MSI2: variants seen among roughly 807,000 people sequenced by gnomAD.
The protein encoded by MSI2 is RNA-binding protein Musashi homolog 2.
A neutral mutation model predicts 45.6 loss-of-function variants in MSI2; 17 were observed. That is an observed-to-expected ratio of 0.37 (90% CI 0.26 to 0.56). MSI2 has a LOEUF of 0.56. Ranked by LOEUF, MSI2 falls within the 20% of genes least tolerant of loss-of-function variation. The pLI is 0.77. For synonymous variants in MSI2, 156 were observed against 158.2 expected (o/e 0.99, Z 0.11); for missense variants, 293 against 444.2 (o/e 0.66, Z 3.06).
chr17:57,349,088 C>A (rs954641921), intron 5 of MSI2, among the ~76,000 whole-genome samples: 1 of 152,186 alleles, frequency 6.6e-6, no homozygotes, highest in Non-Finnish European at 1.5e-5. Context: ...AGAGCATTCT[C>A]GGGCTGCCCT....
chr17:57,411,170 A>G (rs765625511), intron 6 of MSI2, among the ~76,000 whole-genome samples: 28 of 151,882 alleles, frequency 1.8e-4, no homozygotes, highest in Non-Finnish European at 3.8e-4. Context: ...ATGCCTGGCT[A>G]ATTTTTTTGT....
the MSI2 span, among the ~76,000 whole-genome samples, chr17:57,701,230 T>C: frequency 3.9e-4 from 60 of 152,132 alleles, no homozygotes; most frequent in Non-Finnish European, 8.8e-5. Context: ...CCCCATTAGG[T>C]TGCTATGAGA....
intron 5 of MSI2, among the ~76,000 whole-genome samples, chr17:57,314,988 G>T (rs1356607251): frequency 6.6e-6 from 1 of 152,168 alleles, no homozygotes; most frequent in African/African-American, 2.4e-5. Flanking sequence ...CAAGCGGAGG[G>T]ATGCTGGTCT....
chr17:57,635,812 T>A (rs1489653797), intron 10 of MSI2, among the ~76,000 whole-genome samples: 1 of 152,246 alleles, frequency 6.6e-6, no homozygotes, highest in Non-Finnish European at 1.5e-5. Flanking sequence ...GAGCACTGGC[T>A]TCAGAATGAT....
At chr17:57,464,181 G>C (rs1405982900) in intron 6 of MSI2, among the ~76,000 whole-genome samples, 5 of 152,140 alleles carry the variant, frequency 3.3e-5, no homozygotes, top group Admixed American at 6.5e-5. Flanking sequence ...AGTGGCTCAC[G>C]CTTGTAATTC....
At chr17:57,293,595 G>GTTTTTTTTTTTTTGTTTTTTTTTT in intron 5 of MSI2, among the ~76,000 whole-genome samples, 1 of 134,724 alleles carries the variant, frequency 7.4e-6, no homozygotes, top group African/African-American at 3.0e-5. Context: ...TTGTTTTTTT[G>GTTTTTTTTTTTTTGTTTTTTTTTT]TTTTTTTTTT....
chr17:57,636,518 G>A (rs975197023), intron 10 of MSI2, among the ~76,000 whole-genome samples: 2 of 152,144 alleles, frequency 1.3e-5, no homozygotes, highest in Non-Finnish European at 2.9e-5. Context: ...GCGAGACCCC[G>A]GGGTGCGCTC....
intron 5 of MSI2, among the ~76,000 whole-genome samples, chr17:57,328,843 A>AG (rs1914035655): frequency 6.6e-6 from 1 of 151,466 alleles, no homozygotes; most frequent in Non-Finnish European, 1.5e-5. Flanking sequence ...GGTTTGGTGG[A>AG]GGGGGACTTT....
chr17:57,585,773 T>G (rs2088329574), intron 7 of MSI2, among the ~76,000 whole-genome samples: 1 of 152,214 alleles, frequency 6.6e-6, no homozygotes. Flanking sequence ...AAGCCCTGAG[T>G]TGAGAATCCT....
At chr17:57,532,924 A>G (rs1188453027) in intron 7 of MSI2, among the ~76,000 whole-genome samples, 3 of 152,068 alleles carry the variant, frequency 2.0e-5, no homozygotes, top group African/African-American at 7.2e-5. Context: ...AGGAATTTTG[A>G]CAGCTACCTG....
At chr17:57,500,359 T>G (rs2086075474) in intron 6 of MSI2, among the ~76,000 whole-genome samples, 1 of 151,218 alleles carries the variant, frequency 6.6e-6, no homozygotes, top group Admixed American at 6.6e-5. Context: ...GCTCTATACC[T>G]CAGATCTCTC....
chr17:57,557,268 C>T (rs1310845472), intron 7 of MSI2, among the ~76,000 whole-genome samples: 13 of 152,198 alleles, frequency 8.5e-5, no homozygotes, highest in Admixed American at 7.9e-4. Flanking sequence ...TTACATGGGA[C>T]AGCCAGGGCA....
At chr17:57,424,425 C>T (rs1206261709) in intron 6 of MSI2, among the ~76,000 whole-genome samples, 1 of 152,214 alleles carries the variant, frequency 6.6e-6, no homozygotes, top group Non-Finnish European at 1.5e-5. Flanking sequence ...AACAGAGGCA[C>T]AGAAGAGCCT....
intron 6 of MSI2, among the ~76,000 whole-genome samples, chr17:57,502,602 G>GATAGATAGATATATAT (rs1190802566): frequency 5.5e-5 from 3 of 54,418 alleles, no homozygotes; most frequent in South Asian, 8.0e-4. Flanking sequence ...ATGACTCTGA[G>GATAGATAGATATATAT]ATATATATAT....
chr17:57,670,529 T>G (rs568701871), intron 11 of MSI2, among the ~76,000 whole-genome samples: 3 of 152,374 alleles, frequency 2.0e-5, no homozygotes, highest in South Asian at 4.1e-4. Flanking sequence ...GAGTATTTTA[T>G]TGATGGGCAG....
rs138595524 is a variant in MSI2 at position 57,322,587 on chromosome 17, G to C, written c.312+60395G>C. On this transcript the variant is annotated intron_variant, in intron 5 of 13. Coordinates refer to ENST00000284073, the MANE Select transcript of MSI2 (RefSeq NM_138962.4). ...AGGAAGCATAAATCAACCCTTAATC[G>C]AACATAAACAACAAACCACGTACCA... 4.7e-3 allele frequency among the ~76,000 whole-genome samples: 719 copies of C among 152,172 alleles called. 5 individuals are homozygous for C. Among genetic ancestry groups the C allele is most frequent in the Non-Finnish European group, 7.2e-3 (492 of 68,000 alleles).
chr17:57,648,132 CGTGTGTGTGTGTGT>C lies in MSI2; in HGVS notation c.728-3930_728-3917del, dbSNP rs765039915. Among the ~76,000 whole-genome samples, 457 of 116,250 alleles carry C rather than the reference CGTGTGTGTGTGTGT, an allele frequency of 3.9e-3. 4 individuals carry two copies. The highest frequency in any genetic ancestry group is 2.8e-3 in the Non-Finnish European group (157 of 56,286). The allele number at this position is 116,250 out of a possible 152,430, so 76.3% of individuals were successfully genotyped here. On this transcript the variant is annotated intron_variant, in intron 10 of 13. Transcript: ENST00000284073. The stretch of plus-strand genomic sequence containing the variant: ...CATGCACCACCATGCCTGGCTAATT[CGTGTGTGTGTGTGT>C]GTGTGTGTGTGTGTGTGTGTGTGTG...
intron 6 of MSI2, among the ~76,000 whole-genome samples, chr17:57,455,698 G>C (rs79542940): frequency 0.013 from 1,949 of 152,230 alleles, 26 homozygotes; most frequent in Middle Eastern, 0.058. Context: ...AGGGACAGTG[G>C]GGGAGAGCCG....
At chr17:57,364,097 T>C (rs1917015860) in intron 5 of MSI2, among the ~76,000 whole-genome samples, 2 of 152,300 alleles carry the variant, frequency 1.3e-5, no homozygotes, top group Non-Finnish European at 2.9e-5. Flanking sequence ...GTGATAATTA[T>C]TGTGTTCTAT....
Sources: gnomAD v4.1 joint callset for allele counts (sites outside exome capture counted in the v4.1 genomes callset) on GRCh38, gnomAD v4.1.1 for gene constraint, MANE v1.5 for transcripts, NCBI Gene and HGNC (gene_info 2026-07-23, HGNC 2026-07-21) for gene names.